Variants in SYCP1 observed in about 807,000 individuals in gnomAD.
SYCP1 encodes the protein cancer/testis antigen 8.
Under a neutral mutation model 153.1 loss-of-function variants are expected in SYCP1, and 64 were observed. That is an observed-to-expected ratio of 0.42 (90% confidence interval 0.34 to 0.51). SYCP1 has a LOEUF of 0.51. SYCP1 is among the 20% of genes least tolerant of loss of function. The pLI is 0.06. For synonymous variants in SYCP1, 384 were observed against 341.8 expected, an observed-to-expected ratio of 1.12 and a Z score of -1.36; for missense variants, 997 against 1,049.0, an observed-to-expected ratio of 0.95 and a Z score of 0.68.
At chr1:114,955,371 C>T (rs1305716369) in intron 27 of SYCP1, among the ~76,000 whole-genome samples, 1 of 152,046 alleles carries the variant, frequency 6.6e-6, no homozygotes, top group Admixed American at 6.5e-5. Context: ...AAATATTGGT[C>T]TGTAGTTTTC....
chr1:114,878,041 A>G, intron 11 of SYCP1, 53 bp from the exon 12 acceptor site: 1 of 1,004,670 alleles, frequency 1.0e-6, no homozygotes, highest in Non-Finnish European at 1.5e-6. Context: ...TATAAATGTT[A>G]AGGTGTCATA....
At chr1:114,914,218 C>T (rs1436484149) in intron 20 of SYCP1, among the ~76,000 whole-genome samples, 173 bp downstream of exon 20, 2 of 151,698 alleles carry the variant, frequency 1.3e-5, no homozygotes, top group African/African-American at 4.8e-5. Flanking sequence ...ATAATAATGT[C>T]TACTTTATAC....
intron 27 of SYCP1, among the ~76,000 whole-genome samples, chr1:114,972,980 G>A (rs570264326): frequency 1.8e-3 from 281 of 152,218 alleles, no homozygotes; most frequent in Non-Finnish European, 2.3e-3. Context: ...TCAGGCTTCA[G>A]ATCTTTTTAC....
In SYCP1 at chr1:114,904,917, C is replaced by T. The variant is rs185056078; in HGVS notation, c.1321-5480C>T. On this transcript the variant is annotated intron_variant, in intron 16 of 31. Coordinates refer to ENST00000369522, the MANE Select transcript of SYCP1 (RefSeq NM_003176.4). ...TGAATTGAAGTTGAATTGTGTGAAA[C>T]GCTTTTTCTGTGTCAATTTATATGA... 2.1e-4 allele frequency among the ~76,000 whole-genome samples: 32 copies of T among 152,254 alleles called. 1 individual carries two copies. In the East Asian group the frequency reaches 4.4e-3, roughly 21 times the overall value.
chr1:114,955,996 G>A (rs764223888), intron 27 of SYCP1, among the ~76,000 whole-genome samples: 1 of 152,172 alleles, frequency 6.6e-6, no homozygotes, highest in Non-Finnish European at 1.5e-5. Context: ...TTTTGGCAGT[G>A]AACATAATAG....
intron 11 of SYCP1, 92 bp from the exon 12 acceptor site, chr1:114,878,002 A>G (rs1410894894): frequency 8.0e-6 from 6 of 750,192 alleles, no homozygotes; most frequent in Non-Finnish European, 1.0e-5. Flanking sequence ...AAAAGCATGT[A>G]GACAAGTACA....
At chr1:114,869,147 T>G (rs1033191943) in intron 8 of SYCP1, among the ~76,000 whole-genome samples, 4 of 152,202 alleles carry the variant, frequency 2.6e-5, no homozygotes, top group African/African-American at 9.6e-5. Context: ...TGATTTCAGA[T>G]TGTCTTTTCC....
intron 23 of SYCP1, among the ~76,000 whole-genome samples, chr1:114,935,251 A>G (rs933821658): frequency 1.3e-5 from 2 of 152,170 alleles, no homozygotes; most frequent in African/African-American, 2.4e-5. Flanking sequence ...GGATTAAGAA[A>G]CTCACTCAAA....
At chr1:114,965,844 G>A (rs958705606) in intron 27 of SYCP1, among the ~76,000 whole-genome samples, 2 of 152,182 alleles carry the variant, frequency 1.3e-5, no homozygotes, top group Admixed American at 1.3e-4. Context: ...TTGGTATAAG[G>A]ATGATGCTGG....
chr1:114,908,348 T>C (rs983354501), intron 16 of SYCP1, among the ~76,000 whole-genome samples: 7 of 152,174 alleles, frequency 4.6e-5, no homozygotes, highest in African/African-American at 1.7e-4. Flanking sequence ...GTAAGTGAAG[T>C]TGAATTATTA....
At chr1:114,882,963 G>T (rs1666058193) in intron 12 of SYCP1, among the ~76,000 whole-genome samples, 1 of 152,048 alleles carries the variant, frequency 6.6e-6, no homozygotes, top group African/African-American at 2.4e-5. Flanking sequence ...TGTAATCTTT[G>T]GGTTTTCATA....
rs369935812 is a variant in SYCP1 at position 114,994,868 on chromosome 1, T to A, written c.2794-14T>A. 4 of 1,576,552 alleles carry A rather than the reference T, an allele frequency of 2.5e-6. No homozygotes were observed. The African/African-American group carries it at 5.5e-5, about 22-fold the overall frequency. On this transcript the variant is annotated splice_polypyrimidine_tract_variant and intron_variant, in intron 31 of 31. Transcript: ENST00000369522. The stretch of plus-strand genomic sequence containing the variant: ...TAAACATGTTATGATTTTTAAATTT[T>A]ATTTTGTACTCAGGCCCCTTCATCT...
intron 16 of SYCP1, among the ~76,000 whole-genome samples, chr1:114,897,197 T>A (rs1413690447): frequency 6.6e-6 from 1 of 152,172 alleles, no homozygotes; most frequent in Non-Finnish European, 1.5e-5. Flanking sequence ...CTTAATTGCT[T>A]CCTGCTGACA....
chr1:114,862,769 T>C (rs1664464885), intron 8 of SYCP1: 1 of 152,202 alleles, frequency 6.6e-6, no homozygotes, highest in Non-Finnish European at 1.5e-5. Flanking sequence ...ATGTGACATG[T>C]AGAAAGTTTT....
At chr1:114,969,615 C>T (rs916894390) in intron 27 of SYCP1, among the ~76,000 whole-genome samples, 9 of 152,154 alleles carry the variant, frequency 5.9e-5, no homozygotes, top group South Asian at 4.1e-4. Context: ...CAAGACTACT[C>T]GGCTCCCAGG....
chr1:114,876,097 G>A lies in SYCP1; in HGVS notation c.686G>A (p.Arg229His). Residue 229 changes from arginine (R) to histidine (H), a missense_variant, in exon 10 of 32, where the codon CGT becomes CAT. Arg to His is a conservative substitution (Grantham distance 29, BLOSUM62 0). This residue lies in a region of SYCP1 where 285 missense variants were observed against 366.1 expected (regional missense o/e 0.78). Coordinates refer to ENST00000369522, the MANE Select transcript of SYCP1 (RefSeq NM_003176.4). ...ATGATAACAGCTTTTGAGGAACTTC[G>A]TGTGCAAGCTGAGAATTCCAGACTG... ...EKMITAFEELRVQAENSRLEM... is the reference protein window; with the variant it reads ...EKMITAFEELHVQAENSRLEM... 1 of 1,583,244 alleles carries A rather than the reference G, an allele frequency of 6.3e-7. No individual in the cohort carries two copies. The highest frequency in any genetic ancestry group is 8.6e-7 in the Non-Finnish European group (1 of 1,163,022).
intron 28 of SYCP1, 141 bp from the exon 29 acceptor site, chr1:114,981,195 C>T (rs779330965): frequency 1.2e-5 from 7 of 600,996 alleles, no homozygotes; most frequent in Admixed American, 3.6e-5. Context: ...CTTATTCAAA[C>T]TTATCTAGTC....
rs780001261 is a variant in SYCP1 at position 114,926,558 on chromosome 1, A to C, written c.1921A>C (p.Ile641Leu). ...AESKQLNVYEIKVNKLELELE... is the reference protein window; with the variant it reads ...AESKQLNVYELKVNKLELELE... Reference sequence around the variant, plus strand: ...AAGCAAGCAACTGAATGTTTATGAGATAAAGGTATTTGGCATCTTTATTTT... The same window carrying C: ...AAGCAAGCAACTGAATGTTTATGAGCTAAAGGTATTTGGCATCTTTATTTT... Residue 641 changes from isoleucine to leucine, a missense_variant, in exon 23 of 32, where the codon ATA (isoleucine) becomes CTA (leucine). Coordinates refer to ENST00000369522, the MANE Select transcript of SYCP1 (RefSeq NM_003176.4). 1 of 1,595,776 alleles carries C rather than the reference A, an allele frequency of 6.3e-7. No homozygotes were observed. Among genetic ancestry groups the C allele is most frequent in the Non-Finnish European group, 8.5e-7 (1 of 1,171,422 alleles).
chr1:114,902,659 C>G (rs1557785115), intron 16 of SYCP1, among the ~76,000 whole-genome samples: 1 of 150,366 alleles, frequency 6.7e-6, no homozygotes, highest in Non-Finnish European at 1.5e-5. Flanking sequence ...TTTTACTTGG[C>G]CGTCTCATTA....
Sources: gnomAD v4.1 joint callset for allele counts (sites outside exome capture counted in the v4.1 genomes callset) on GRCh38, gnomAD v4.1.1 for gene constraint, gnomAD v4.1.1 regional missense constraint, MANE v1.5 for transcripts, NCBI Gene and HGNC (gene_info 2026-07-23, HGNC 2026-07-21) for gene names.